UROS: variants seen among roughly 807,000 people sequenced by gnomAD.
The protein encoded by UROS is uroporphyrinogen III synthase.
A neutral mutation model predicts 33.0 loss-of-function variants in UROS; 18 were observed. That is an observed-to-expected ratio of 0.55 (90% CI 0.38 to 0.81). The LOEUF is 0.81. Among genes scored for constraint, UROS ranks in the 30% least tolerant of loss-of-function variants. The pLI, the probability that UROS is intolerant of heterozygous loss-of-function variation, is 0.00. For synonymous variants in UROS, 114 were observed against 121.1 expected (o/e 0.94, Z 0.38); for missense variants, 293 against 314.9 (o/e 0.93, Z 0.53).
At chr10:125,789,430 G>GACCT in intron 9 of UROS, 1 of 1,058,936 alleles carries the variant, frequency 9.4e-7, no homozygotes, top group Non-Finnish European at 1.2e-6. Context: ...AGCCATCAAG[G>GACCT]TCAGGGCTCT....
chr10:125,804,974 A>G (rs1362207504), intron 6 of UROS, among the ~76,000 whole-genome samples: 1 of 152,242 alleles, frequency 6.6e-6, no homozygotes, highest in African/African-American at 2.4e-5. Context: ...GCTCCTGGGT[A>G]AACATCTGCC....
At chr10:125,800,150 G>T (rs966883419) in intron 6 of UROS, among the ~76,000 whole-genome samples, 1 of 152,136 alleles carries the variant, frequency 6.6e-6, no homozygotes, top group Admixed American at 6.6e-5. Context: ...AGAAAATGAT[G>T]ATACAAGCAG....
intron 6 of UROS, among the ~76,000 whole-genome samples, chr10:125,798,946 T>C (rs1375653359): frequency 6.6e-6 from 1 of 152,248 alleles, no homozygotes. Context: ...AGCATTTTAG[T>C]AGAACCAGCC....
intron 6 of UROS, 141 bp downstream of exon 6, chr10:125,807,272 C>A: frequency 5.3e-6 from 4 of 750,170 alleles, no homozygotes; most frequent in Non-Finnish European, 9.2e-6. Flanking sequence ...ATAGGCTATG[C>A]TCCCAGAGTG....
At chr10:125,815,607 A>G (rs1314806138) in intron 3 of UROS, among the ~76,000 whole-genome samples, 1 of 152,224 alleles carries the variant, frequency 6.6e-6, no homozygotes, top group Non-Finnish European at 1.5e-5. Context: ...GCTGCTGTAC[A>G]TATCTGACTT....
At chr10:125,797,935 T>C in intron 7 of UROS, 130 bp downstream of exon 7, 22 of 1,030,418 alleles carry the variant, frequency 2.1e-5, no homozygotes, top group Non-Finnish European at 3.3e-5. Flanking sequence ...CTGTGTCTCC[T>C]GGCCTGGCTT....
intron 5 of UROS, among the ~76,000 whole-genome samples, 185 bp from the exon 6 acceptor site, chr10:125,807,672 G>A (rs373022611): frequency 6.6e-6 from 1 of 152,170 alleles, no homozygotes; most frequent in East Asian, 1.9e-4. Flanking sequence ...TCAGGTCCTG[G>A]TACCTGCACC....
At chr10:125,815,937 C>T (rs1853280928) in intron 3 of UROS, among the ~76,000 whole-genome samples, 1 of 152,168 alleles carries the variant, frequency 6.6e-6, no homozygotes, top group Admixed American at 6.5e-5. Flanking sequence ...TTGCTGCTCT[C>T]ACCATGACCT....
chr10:125,803,093 G>C (rs372652899), intron 6 of UROS: 45 of 1,607,572 alleles, frequency 2.8e-5, no homozygotes, highest in Non-Finnish European at 3.6e-5. Flanking sequence ...CAGAGCAAGG[G>C]AGACAGGAAG....
intron 4 of UROS, among the ~76,000 whole-genome samples, chr10:125,812,825 T>C (rs1017916126): frequency 6.6e-6 from 1 of 152,200 alleles, no homozygotes; most frequent in Non-Finnish European, 1.5e-5. Flanking sequence ...ATACAGAATA[T>C]TATCATTTTA....
intron 6 of UROS, among the ~76,000 whole-genome samples, chr10:125,805,090 G>A (rs576044815): frequency 6.6e-6 from 1 of 152,336 alleles, no homozygotes; most frequent in Non-Finnish European, 1.5e-5. Flanking sequence ...CCATGTCCGA[G>A]CCGATGAACG....
intron 5 of UROS, among the ~76,000 whole-genome samples, chr10:125,810,224 G>A (rs1405238496): frequency 2.0e-5 from 3 of 152,148 alleles, no homozygotes; most frequent in African/African-American, 7.2e-5. Context: ...CAAGCCAAAA[G>A]AAATGGCAGA....
intron 6 of UROS, chr10:125,802,904 C>A: frequency 6.3e-7 from 1 of 1,597,040 alleles, no homozygotes; most frequent in South Asian, 1.1e-5. Context: ...CAGGGGCTTT[C>A]CCCACCGCCT....
At chr10:125,802,566 G>T in intron 6 of UROS, 1 of 1,010,828 alleles carries the variant, frequency 9.9e-7, no homozygotes, top group Non-Finnish European at 1.2e-6. Context: ...AGAACACCAT[G>T]TGGCACAAGT....
intron 7 of UROS, among the ~76,000 whole-genome samples, chr10:125,797,061 T>C (rs1196896979): frequency 6.6e-6 from 1 of 152,240 alleles, no homozygotes; most frequent in Non-Finnish European, 1.5e-5. Context: ...CCCGAAAAGC[T>C]AATGATTTTG....
chr10:125,803,010 C>CT (rs1465830518), intron 6 of UROS: 1 of 1,612,920 alleles, frequency 6.2e-7, no homozygotes, highest in South Asian at 1.1e-5. Flanking sequence ...CAAAAGATTC[C>CT]TTTGACTTCT....
chr10:125,794,875 CT>C lies in UROS; in HGVS notation c.660+4del, dbSNP rs754999953. 1.7e-5 allele frequency: 27 copies of C among 1,604,496 alleles called. No individual in the cohort carries two copies. The South Asian group carries it at 3.0e-4, about 18-fold the overall frequency. On this transcript the variant is annotated splice_donor_region_variant and intron_variant, in intron 9 of 9. Transcript: ENST00000368797. The stretch of plus-strand genomic sequence containing the variant: ...AAAAGACCAAAAGCTCATTGAATAA[CT>C]TACCTTAATTTGATCGATATTGTCA...
chr10:125,797,623 G>A (rs997053782), intron 7 of UROS, among the ~76,000 whole-genome samples: 1 of 152,208 alleles, frequency 6.6e-6, no homozygotes, highest in Non-Finnish European at 1.5e-5. Flanking sequence ...GACAGTCTTG[G>A]GAGCCACGGC....
At chr10:125,818,599 T>C (rs1005327172) in intron 1 of UROS, among the ~76,000 whole-genome samples, 2 of 152,146 alleles carry the variant, frequency 1.3e-5, no homozygotes, top group African/African-American at 4.8e-5. Flanking sequence ...AAGAAATCAA[T>C]TGAGAAGCGT....
Sources: allele counts gnomAD v4.1 joint callset (sites outside exome capture counted in the v4.1 genomes callset), GRCh38; gene constraint gnomAD v4.1.1; transcripts MANE v1.5; gene names NCBI Gene and HGNC (gene_info 2026-07-23, HGNC 2026-07-21).